Variants in SENP7 observed in about 807,000 individuals in gnomAD.
SENP7 encodes the protein SUMO specific peptidase 7, also known as sentrin-specific protease 7.
Under a neutral mutation model 141.2 loss-of-function variants are expected in SENP7, and 64 were observed. The ratio of observed to expected loss-of-function variants is 0.45; its 90% CI spans 0.37 to 0.56. SENP7 has a LOEUF of 0.56. SENP7 is among the 20% of genes least tolerant of loss of function. The pLI is 0.00. For synonymous variants in SENP7, 382 were observed against 426.4 expected (o/e 0.90, Z 1.28); for missense variants, 1,025 against 1,212.2 (o/e 0.85, Z 2.29).
At chr3:101,448,373 A>G (rs1269062299) in intron 4 of SENP7, among the ~76,000 whole-genome samples, 16 of 152,218 alleles carry the variant, frequency 1.1e-4, no homozygotes, top group Non-Finnish European at 1.5e-5. Context: ...CCAAGAAAAT[A>G]TTTTTTAACT....
chr3:101,347,905 T>G lies in SENP7; in HGVS notation c.1804A>C (p.Thr602Pro). The change falls in exon 13 of 24, where the codon ACC (threonine) becomes CCC (proline). Residue 602 changes from threonine to proline, a missense_variant. Physicochemically the swap from Thr to Pro is conservative, Grantham distance 38 (BLOSUM62 -1). Transcript: ENST00000394095. ...CTTAATACAGAGTGTTCTAATTGGGTCTGAATCTCTTGAAGATAATCTGAA... is the reference window on the plus strand; with the variant it reads ...CTTAATACAGAGTGTTCTAATTGGGGCTGAATCTCTTGAAGATAATCTGAA... Reference protein sequence around the residue: ...VSSDYLQEIQTQLEHSVLSQQ... With the variant: ...VSSDYLQEIQPQLEHSVLSQQ... 1 of 1,600,676 alleles carries G rather than the reference T, an allele frequency of 6.2e-7. No individual in the cohort carries two copies. The highest frequency in any genetic ancestry group is 1.3e-5 in the African/African-American group (1 of 74,676).
chr3:101,504,089 A>G (rs1475323084), intron 1 of SENP7, among the ~76,000 whole-genome samples: 1 of 152,180 alleles, frequency 6.6e-6, no homozygotes, highest in Admixed American at 6.5e-5. Flanking sequence ...TTCTAAGTTC[A>G]TAATACACAG....
At chr3:101,503,822 C>G (rs545563032) in intron 1 of SENP7, among the ~76,000 whole-genome samples, 1 of 151,934 alleles carries the variant, frequency 6.6e-6, no homozygotes, top group African/African-American at 2.4e-5. Context: ...TGGTGTGCAC[C>G]TGCACTCCCA....
intron 3 of SENP7, among the ~76,000 whole-genome samples, chr3:101,474,913 G>T (rs1204952749): frequency 6.6e-6 from 1 of 152,132 alleles, no homozygotes. Flanking sequence ...TCCACAATTA[G>T]AAGATTTAGA....
intron 4 of SENP7, among the ~76,000 whole-genome samples, chr3:101,450,399 A>G (rs942397320): frequency 3.9e-5 from 6 of 152,206 alleles, no homozygotes; most frequent in Non-Finnish European, 7.3e-5. Flanking sequence ...CCCCCAATCA[A>G]CAGAATATAC....
chr3:101,501,205 A>G lies in SENP7; in HGVS notation c.41-86T>C, dbSNP rs545465780. On this transcript the variant is annotated intron_variant, in intron 1 of 23. Transcript: ENST00000394095. ...TGACAAAGGAGATTCTTTCACATTC[A>G]TCCTTTGTTTTAAATTAACTTGTTA... is the stretch of plus-strand genomic sequence containing the variant. The G allele has an allele frequency of 7.6e-5, 68 of 890,076 alleles. No homozygotes were observed. In the African/African-American group the frequency reaches 1.1e-3, roughly 14 times the overall value. 55.1% of individuals were successfully genotyped at this position (890,076 alleles called of 1,614,324 possible).
intron 4 of SENP7, among the ~76,000 whole-genome samples, chr3:101,437,296 T>A (rs1343232644): frequency 6.6e-6 from 1 of 152,150 alleles, no homozygotes; most frequent in Non-Finnish European, 1.5e-5. Flanking sequence ...GAATAAAACC[T>A]ACTATTGATA....
intron 10 of SENP7, among the ~76,000 whole-genome samples, chr3:101,362,812 A>AT (rs2059935537): frequency 6.6e-6 from 1 of 152,244 alleles, no homozygotes; most frequent in Non-Finnish European, 1.5e-5. Context: ...AACCTCAAAA[A>AT]TCATATCACT....
At chr3:101,501,776 G>A (rs147580700) in intron 1 of SENP7, among the ~76,000 whole-genome samples, 27 of 152,194 alleles carry the variant, frequency 1.8e-4, no homozygotes, top group African/African-American at 6.3e-4. Flanking sequence ...AAACTTTCCT[G>A]GAACTTAGAG....
intron 11 of SENP7, among the ~76,000 whole-genome samples, chr3:101,356,151 TATA>T (rs1451037731): frequency 6.6e-6 from 1 of 152,180 alleles, no homozygotes; most frequent in Non-Finnish European, 1.5e-5. Context: ...TTCCTCTCAC[TATA>T]ATGTTGAAAA....
chr3:101,434,970 A>C (rs2062327701), intron 4 of SENP7, among the ~76,000 whole-genome samples: 1 of 152,152 alleles, frequency 6.6e-6, no homozygotes, highest in African/African-American at 2.4e-5. Flanking sequence ...ACATCAAAAA[A>C]AGAAAACTAC....
At chr3:101,336,561 T>C (rs1022243304) in intron 17 of SENP7, among the ~76,000 whole-genome samples, 1 of 152,172 alleles carries the variant, frequency 6.6e-6, no homozygotes, top group African/African-American at 2.4e-5. Context: ...ATATGCCCTA[T>C]CAAAAGGTAC....
At chr3:101,496,496 T>C (rs910802587) in intron 2 of SENP7, among the ~76,000 whole-genome samples, 1 of 151,828 alleles carries the variant, frequency 6.6e-6, no homozygotes, top group Non-Finnish European at 1.5e-5. Context: ...GCTCTGTGGC[T>C]CAAGCAATCC....
intron 4 of SENP7, among the ~76,000 whole-genome samples, chr3:101,425,615 C>G (rs934567281): frequency 1.3e-5 from 2 of 152,164 alleles, no homozygotes; most frequent in African/African-American, 2.4e-5. Context: ...CTTCTTTCTT[C>G]CAAAGAACCG....
intron 7 of SENP7, among the ~76,000 whole-genome samples, chr3:101,368,625 T>A (rs1054550523): frequency 1.3e-5 from 2 of 150,648 alleles, no homozygotes; most frequent in Non-Finnish European, 3.0e-5. Flanking sequence ...GAGATATACC[T>A]AATGTGAAAG....
At chr3:101,360,525 G>A (rs967517617) in intron 11 of SENP7, among the ~76,000 whole-genome samples, 1 of 152,152 alleles carries the variant, frequency 6.6e-6, no homozygotes, top group African/African-American at 2.4e-5. Flanking sequence ...TATATTCTCT[G>A]CCTTATCCCT....
chr3:101,487,654 G>A (rs554325901), intron 3 of SENP7, among the ~76,000 whole-genome samples: 1 of 152,200 alleles, frequency 6.6e-6, no homozygotes, highest in South Asian at 2.1e-4. Flanking sequence ...AAAAGGTAAG[G>A]GTCCAGTTTC....
intron 3 of SENP7, among the ~76,000 whole-genome samples, chr3:101,473,352 C>T (rs182896552): frequency 3.0e-4 from 46 of 152,310 alleles, no homozygotes; most frequent in Non-Finnish European, 5.7e-4. Flanking sequence ...CTCCCACCAA[C>T]ACTTTATAAC....
intron 2 of SENP7, among the ~76,000 whole-genome samples, chr3:101,499,343 T>C (rs867958515): frequency 6.6e-6 from 1 of 152,104 alleles, no homozygotes; most frequent in Non-Finnish European, 1.5e-5. Context: ...GTAGATATGA[T>C]AGTATTCATC....
Sources: allele counts gnomAD v4.1 joint callset (sites outside exome capture counted in the v4.1 genomes callset), GRCh38; gene constraint gnomAD v4.1.1; transcripts MANE v1.5; gene names NCBI Gene and HGNC (gene_info 2026-07-23, HGNC 2026-07-21).